The following ABLIM1 variants were observed in gnomAD, a reference collection of about 807,000 sequenced individuals.
ABLIM1 encodes the protein actin-binding LIM protein 1.
ABLIM1 carries 40 observed loss-of-function variants against 107.0 expected under a neutral mutation model. The observed-to-expected ratio is 0.37, with a 90% confidence interval of 0.29 to 0.49. The LOEUF is 0.49. Among genes scored for constraint, ABLIM1 ranks in the 20% least tolerant of loss-of-function variants. ABLIM1 has a pLI of 0.97. For synonymous variants in ABLIM1, 357 were observed against 357.3 expected (o/e 1.00, Z 0.01); for missense variants, 857 against 1,008.5 (o/e 0.85, Z 2.04).
At position 114,753,482 on chromosome 10, in the gene ABLIM1, AG is replaced by A. The variant is rs571214022; in HGVS notation, c.-213+14578del. 2.6e-4 allele frequency among the ~76,000 whole-genome samples: 39 copies of A among 152,364 alleles called. 1 individual carries two copies. The South Asian group carries it at 8.1e-3, about 32-fold the overall frequency. Reference sequence around the variant, plus strand: ...TCTATCAATAAGGGACTATTAAATCAGGTATGCTACAGCCATATGATTGAAC... The same window carrying A: ...TCTATCAATAAGGGACTATTAAATCAGTATGCTACAGCCATATGATTGAAC... On this transcript the variant is annotated intron_variant, in intron 1 of 15. Coordinates refer to the ABLIM1 transcript ENST00000651092.
intron 1 of ABLIM1, among the ~76,000 whole-genome samples, chr10:114,633,834 G>A (rs1318338395): frequency 1.3e-5 from 2 of 152,236 alleles, no homozygotes; most frequent in African/African-American, 4.8e-5. Context: ...ATTAACTGCA[G>A]AGAGCTGAAA....
At chr10:114,683,291 C>T (rs960002412) in intron 1 of ABLIM1, among the ~76,000 whole-genome samples, 1 of 152,184 alleles carries the variant, frequency 6.6e-6, no homozygotes, top group Admixed American at 6.5e-5. Flanking sequence ...TTCCAGTAAA[C>T]GTCCAAGGCA....
At position 114,547,713 on chromosome 10, in the gene ABLIM1, C is replaced by G; in HGVS notation, c.737G>C (p.Trp246Ser). ...GQALLALDKQ[W>S]HLGCFKCKSC... is the part of the protein sequence containing the mutation. ...CTTGCATTTAAAGCACCCCAAGTGC[C>G]ACTGCTTATCCAGCGCCAGCAGCGC... is the stretch of plus-strand genomic sequence containing the variant. The change falls in exon 5 of 23, where the codon TGG becomes TCG. Residue 246 changes from tryptophan to serine, a missense_variant. This residue lies in a region of ABLIM1 where 381 missense variants were observed against 506.9 expected (regional missense o/e 0.75). Coordinates refer to ENST00000533213, the MANE Select transcript of ABLIM1 (RefSeq NM_002313.7). The G allele has an allele frequency of 6.2e-7, 1 of 1,613,558 alleles. No individual in the cohort carries two copies. Among genetic ancestry groups the G allele is most frequent in the Non-Finnish European group, 8.5e-7 (1 of 1,180,042 alleles).
Position 114,451,683 on chromosome 10 carries a change from A to G in ABLIM1, c.1547-12T>C. 6.2e-7 allele frequency: 1 copy of G among 1,608,202 alleles called. No individual in the cohort carries two copies. The highest frequency in any genetic ancestry group is 8.5e-7 in the Non-Finnish European group (1 of 1,176,532). ...GTTGATTCCTTGATCTGTGGAAATG[A>G]AAAGCAAAGGTGTGTGATTATGGGA... is the stretch of plus-strand genomic sequence containing the variant. On this transcript the variant is annotated splice_polypyrimidine_tract_variant and intron_variant, in intron 13 of 22. Transcript: ENST00000533213.
intron 4 of ABLIM1, among the ~76,000 whole-genome samples, chr10:114,564,452 T>A (rs954648187): frequency 6.6e-6 from 1 of 150,976 alleles, no homozygotes; most frequent in Non-Finnish European, 1.5e-5. Flanking sequence ...TTTTTTTTTT[T>A]AATAGAGATG....
At chr10:114,685,240 T>G (rs2141634090), upstream of ABLIM1, among the ~76,000 whole-genome samples, 1 of 152,294 alleles carries the variant, frequency 6.6e-6, no homozygotes, top group South Asian at 2.1e-4. Context: ...AAAAAGACCC[T>G]TAGGACAAAT....
chr10:114,663,250 A>G (rs1176077117), upstream of ABLIM1, among the ~76,000 whole-genome samples: 2 of 152,212 alleles, frequency 1.3e-5, no homozygotes, highest in Non-Finnish European at 2.9e-5. Context: ...CACTCTGGCT[A>G]GAATCAATTT....
At chr10:114,492,005 C>G (rs2059067937) in intron 6 of ABLIM1, 127 bp from the exon 7 acceptor site, 3 of 741,424 alleles carry the variant, frequency 4.0e-6, no homozygotes, top group Non-Finnish European at 2.1e-6. Context: ...TCTAATTGAC[C>G]AAACTTCCTA....
chr10:114,444,054 A>G lies in ABLIM1; in HGVS notation c.1908T>C (p.Ser636=), dbSNP rs763889092. ...ESRERSSLLA[S]RYDSPINSAS... is the part of the protein sequence containing the mutation. ...CTGAGTTGATGGGAGAATCGTAGCG[A>G]CTGGCTAACAGAGATGACCTTTCCC... Residue 636 remains serine (S), a synonymous_variant, in exon 17 of 23, where the codon AGT becomes AGC. Transcript: ENST00000533213. 1.9e-6 allele frequency: 3 copies of G among 1,612,030 alleles called. No individual in the cohort carries two copies. The Admixed American group carries it at 5.0e-5, about 27-fold the overall frequency.
At chr10:114,550,567 C>G (rs2137787446) in intron 4 of ABLIM1, among the ~76,000 whole-genome samples, 1 of 152,070 alleles carries the variant, frequency 6.6e-6, no homozygotes, top group East Asian at 1.9e-4. Flanking sequence ...CATGATAGCC[C>G]AGAGTCCACA....
intron 4 of ABLIM1, among the ~76,000 whole-genome samples, chr10:114,570,229 C>A (rs999754390): frequency 6.6e-6 from 1 of 152,188 alleles, no homozygotes; most frequent in Non-Finnish European, 1.5e-5. Context: ...TTGCTTGGTG[C>A]CCACAGTTCA....
chr10:114,784,117 G>C, the ABLIM1 span, among the ~76,000 whole-genome samples: 1 of 151,896 alleles, frequency 6.6e-6, no homozygotes, highest in Non-Finnish European at 1.5e-5. Flanking sequence ...GGAGGCTGAG[G>C]GGGGCGGATC....
chr10:114,445,624 G>A (rs2060902296), intron 15 of ABLIM1, among the ~76,000 whole-genome samples: 1 of 152,152 alleles, frequency 6.6e-6, no homozygotes, highest in Admixed American at 6.5e-5. Context: ...CCAGGTCAAC[G>A]TGCAATGCAA....
chr10:114,581,861 G>C (rs1566002449), intron 2 of ABLIM1, among the ~76,000 whole-genome samples: 1 of 151,962 alleles, frequency 6.6e-6, no homozygotes, highest in Admixed American at 6.6e-5. Context: ...CCAAAATCCT[G>C]TTCCACATAC....
chr10:114,559,180 G>T (rs533660896), intron 4 of ABLIM1, among the ~76,000 whole-genome samples: 1 of 151,930 alleles, frequency 6.6e-6, no homozygotes, highest in Non-Finnish European at 1.5e-5. Context: ...TCAAAAGAAG[G>T]GTTCTCTTTC....
Position 114,556,458 on chromosome 10 carries a change from T to G in ABLIM1, c.674-8682A>C, listed in dbSNP as rs570411442. On this transcript the variant is annotated intron_variant, in intron 4 of 22. Transcript: ENST00000533213. ...TCCATCCCTCCATAAGTGTGTCAGT[T>G]GCCACCTGTTCTCATGCTTGAACTG... Among the ~76,000 whole-genome samples, 5 of 152,324 alleles carry G rather than the reference T, an allele frequency of 3.3e-5. No individual in the cohort carries two copies. In the East Asian group the frequency reaches 9.6e-4, roughly 29 times the overall value.
chr10:114,679,647 A>AG (rs1231189430), intron 1 of ABLIM1, among the ~76,000 whole-genome samples: 1 of 151,916 alleles, frequency 6.6e-6, no homozygotes, highest in African/African-American at 2.4e-5. Context: ...AAAAAAAAAA[A>AG]AAAAAAGAAA....
At chr10:114,542,286 C>T (rs1468250999) in intron 6 of ABLIM1, among the ~76,000 whole-genome samples, 5 of 151,666 alleles carry the variant, frequency 3.3e-5, no homozygotes, top group Non-Finnish European at 4.4e-5. Context: ...TGGCATGCAC[C>T]TGTAGTCCCA....
Position 114,764,621 on chromosome 10 carries a change from C to T in ABLIM1, c.-213+3440G>A, listed in dbSNP as rs193257325. Among the ~76,000 whole-genome samples the T allele has an allele frequency of 4.9e-4, 75 of 152,324 alleles. No homozygotes were observed. The Middle Eastern group carries it at 0.01, about 21-fold the overall frequency. The stretch of plus-strand genomic sequence containing the variant: ...CCTCCCAACGTGCTGGGATTACAGG[C>T]GTGAGCCACCGCACCCGGCCAATTG... On this transcript the variant is annotated intron_variant, in intron 1 of 15. Coordinates refer to the ABLIM1 transcript ENST00000651092.
Sources: gnomAD v4.1 joint callset for allele counts (sites outside exome capture counted in the v4.1 genomes callset) on GRCh38, gnomAD v4.1.1 for gene constraint, gnomAD v4.1.1 regional missense constraint, MANE v1.5 for transcripts, NCBI Gene and HGNC (gene_info 2026-07-23, HGNC 2026-07-21) for gene names.